The following JAKMIP3 variants were observed in gnomAD, a reference collection of about 807,000 sequenced individuals.
The protein encoded by JAKMIP3 is Janus kinase and microtubule interacting protein 3, also known as janus kinase and microtubule-interacting protein 3.
A neutral mutation model predicts 118.5 loss-of-function variants in JAKMIP3; 58 were observed. The ratio of observed to expected loss-of-function variants is 0.49; its 90% confidence interval spans 0.40 to 0.61. The LOEUF (loss-of-function observed/expected upper bound fraction) is 0.61, where lower values mean the gene tolerates loss of function less well. Ranked by LOEUF, JAKMIP3 falls within the 20% of genes least tolerant of loss-of-function variation. The pLI is 0.00. For missense variants in JAKMIP3, 950 were observed against 1,109.0 expected, an observed-to-expected ratio of 0.86 and a Z score of 2.04; for synonymous variants, 486 against 451.2, an observed-to-expected ratio of 1.08 and a Z score of -0.98.
intron 2 of JAKMIP3, among the ~76,000 whole-genome samples, chr10:132,111,237 G>A (rs1390113422): frequency 6.6e-6 from 1 of 152,230 alleles, no homozygotes; most frequent in Non-Finnish European, 1.5e-5. Context: ...CTGCAGACCT[G>A]TGGAGGGAGG....
chr10:132,158,996 T>TG lies in JAKMIP3; in HGVS notation c.2221-4204dup, dbSNP rs371036837. The stretch of plus-strand genomic sequence containing the variant: ...GGGGGGATCTCTCGCTGTGTGATGC[T>TG]GGGGGGGGGCCTCTCCCTGTGTGAT... On this transcript the variant is annotated intron_variant, in intron 19 of 23. Coordinates refer to ENST00000684848, the MANE Select transcript of JAKMIP3 (RefSeq NM_001323087.2). 1.4e-3 allele frequency among the ~76,000 whole-genome samples: 29 copies of TG among 20,672 alleles called. 7 individuals carry two copies. The highest frequency in any genetic ancestry group is 2.6e-3 in the African/African-American group (13 of 4,934). 13.6% of individuals were successfully genotyped at this position (20,672 alleles called of 152,430 possible). A position where few individuals can be genotyped will look rare whatever the true frequency, so the allele number is the denominator to read the frequency against.
chr10:132,114,957 A>G (rs1188868178), intron 2 of JAKMIP3, among the ~76,000 whole-genome samples: 4 of 152,220 alleles, frequency 2.6e-5, no homozygotes, highest in Admixed American at 6.5e-5. Context: ...GCGTTCCTCA[A>G]TGAATTCATT....
chr10:132,057,587 G>T (rs2038271743), intron 1 of JAKMIP3, among the ~76,000 whole-genome samples: 5 of 152,236 alleles, frequency 3.3e-5, no homozygotes, highest in Admixed American at 3.3e-4. Context: ...TGTGGCACAG[G>T]CCCCACGAGG....
chr10:132,129,662 A>C (rs2135599601), intron 3 of JAKMIP3, among the ~76,000 whole-genome samples: 1 of 152,268 alleles, frequency 6.6e-6, no homozygotes, highest in African/African-American at 2.4e-5. Context: ...ACTGATCTAC[A>C]GGCTCAGGGA....
chr10:132,053,238 T>A (rs191815378), intron 1 of JAKMIP3, among the ~76,000 whole-genome samples: 2 of 152,320 alleles, frequency 1.3e-5, no homozygotes, highest in East Asian at 3.9e-4. Flanking sequence ...ACCCTCAAAG[T>A]TGGGGTTTCT....
At chr10:132,097,677 G>T (rs1347249218) in intron 1 of JAKMIP3, among the ~76,000 whole-genome samples, 1 of 151,842 alleles carries the variant, frequency 6.6e-6, no homozygotes, top group Non-Finnish European at 1.5e-5. Flanking sequence ...GGGGAAATAG[G>T]GAAAGGGGAT....
chr10:132,168,040 G>T lies in JAKMIP3; in HGVS notation c.*110G>T, dbSNP rs908486600. 7.8e-7 allele frequency: 1 copy of T among 1,289,520 alleles called. No homozygotes were observed. The highest frequency in any genetic ancestry group is 1.5e-5 in the African/African-American group (1 of 65,880). The allele number at this position is 1,289,520 out of a possible 1,614,324, so 79.9% of individuals were successfully genotyped here. ...TCGCGTCTCCATCCTGAAGACCCAGGGAGATTTGGTCTCTGCACGCCCGTC... is the reference window on the plus strand; with the variant it reads ...TCGCGTCTCCATCCTGAAGACCCAGTGAGATTTGGTCTCTGCACGCCCGTC... On this transcript the variant is annotated 3_prime_UTR_variant, in exon 23 of 24. Coordinates refer to ENST00000684848, the MANE Select transcript of JAKMIP3 (RefSeq NM_001323087.2).
chr10:132,068,731 G>A (rs2039339549), intron 1 of JAKMIP3, among the ~76,000 whole-genome samples: 1 of 152,262 alleles, frequency 6.6e-6, no homozygotes, highest in South Asian at 2.1e-4. Context: ...TTCCTTTGGG[G>A]TCCCTCTGGA....
rs553445497 is a variant in JAKMIP3, at chr10:132,049,841, C to T, written c.-138+13103C>T. On this transcript the variant is annotated intron_variant, in intron 1 of 23. Transcript: ENST00000657785. The surrounding 1 kb of genome is among the most constrained non-coding windows in gnomAD (Gnocchi z 4.3). ...ATCAGTTCTTTTTCCTGATTTTCTT[C>T]CATAGTCTTCTGTGACGTTTTTGTT... is the stretch of plus-strand genomic sequence containing the variant. Among the ~76,000 whole-genome samples the T allele has an allele frequency of 6.6e-6, 1 of 152,262 alleles. No individual in the cohort carries two copies. The highest frequency in any genetic ancestry group is 2.1e-4 in the South Asian group (1 of 4,806).
rs777360645 is a variant in JAKMIP3 at position 132,153,798 on chromosome 10, C to T, written c.2113C>T (p.Arg705Trp). Residue 705 changes from arginine (R) to tryptophan (W), a missense_variant, in exon 18 of 24, where the codon CGG becomes TGG. Coordinates refer to ENST00000684848, the MANE Select transcript of JAKMIP3 (RefSeq NM_001323087.2). Reference protein sequence around the residue: ...QIEETEAALQRKMVDLESEKE... With the variant: ...QIEETEAALQWKMVDLESEKE... ...TGAGGAGACAGAGGCGGCGCTGCAG[C>T]GGAAGATGGTGGATCTGGAGAGCGA... The T allele has an allele frequency of 2.7e-5, 44 of 1,612,898 alleles. No homozygotes were observed. In the Admixed American group the frequency reaches 3.7e-4, roughly 13 times the overall value.
intron 23 of JAKMIP3, among the ~76,000 whole-genome samples, chr10:132,180,580 C>CGCGTGTGT (rs1554962863): frequency 7.7e-5 from 1 of 12,988 alleles, no homozygotes; most frequent in African/African-American, 5.4e-4. Context: ...TGTGTGTGTG[C>CGCGTGTGT]GTGCGCGTGT....
At position 132,180,668 on chromosome 10, in the gene JAKMIP3, TGTGTGTGCGCGCGC is replaced by T. The variant is rs1238161255; in HGVS notation, c.*1104-1681_*1104-1668del. Among the ~76,000 whole-genome samples, 69 of 28,046 alleles carry T rather than the reference TGTGTGTGCGCGCGC, an allele frequency of 2.5e-3. 25 individuals carry two copies. The South Asian group carries it at 0.041, about 17-fold the overall frequency. 18.4% of individuals were successfully genotyped at this position (28,046 alleles called of 152,430 possible). A position where few individuals can be genotyped will look rare whatever the true frequency, so the allele number is the denominator to read the frequency against. On this transcript the variant is annotated intron_variant, in intron 23 of 23. Coordinates refer to ENST00000684848, the MANE Select transcript of JAKMIP3 (RefSeq NM_001323087.2). ...GTGCGTGTGCGTGTGCGTGTGTGCG[TGTGTGTGCGCGCGC>T]GTGTGTGTGCGTGCGTGTGTGTGTG...
chr10:132,174,434 C>T lies in JAKMIP3; in HGVS notation c.*1103+5401C>T, dbSNP rs184537008. 3.2e-3 allele frequency among the ~76,000 whole-genome samples: 481 copies of T among 151,732 alleles called. 1 individual carries two copies. Among genetic ancestry groups the T allele is most frequent in the African/African-American group, 0.011 (465 of 41,356 alleles). On this transcript the variant is annotated intron_variant, in intron 23 of 23. Transcript: ENST00000684848. ...TGGCCTCCGTGGGCTCAGTGGGCTC[C>T]GTGGGCTCTGTGGGCTCCGTGGGTT...
chr10:132,060,546 C>T (rs560596632), upstream of JAKMIP3, among the ~76,000 whole-genome samples: 1 of 152,254 alleles, frequency 6.6e-6, no homozygotes, highest in Non-Finnish European at 1.5e-5. Flanking sequence ...CGTGTTCCTG[C>T]AAGGCAGGAA....
intron 2 of JAKMIP3, among the ~76,000 whole-genome samples, chr10:132,107,005 C>T (rs997394652): frequency 1.3e-5 from 2 of 152,066 alleles, no homozygotes; most frequent in African/African-American, 4.8e-5. Context: ...CACCTCAGCC[C>T]CTCAAATAAC....
chr10:132,037,089 G>A (rs2037532815), intron 1 of JAKMIP3, among the ~76,000 whole-genome samples: 1 of 152,256 alleles, frequency 6.6e-6, no homozygotes, highest in South Asian at 2.1e-4. Flanking sequence ...GGCGCCGTGC[G>A]ATTATTTTTA....
At chr10:132,051,157 C>T (rs947016836) in intron 1 of JAKMIP3, among the ~76,000 whole-genome samples, 5 of 147,074 alleles carry the variant, frequency 3.4e-5, no homozygotes, top group African/African-American at 1.3e-4. Context: ...CACGGTTGGT[C>T]TTGTTAATTC....
At chr10:132,147,856 C>A in intron 13 of JAKMIP3, 96 bp from the exon 14 acceptor site, 1 of 863,350 alleles carries the variant, frequency 1.2e-6, no homozygotes, top group African/African-American at 1.7e-5. Flanking sequence ...GCCTCCCCGG[C>A]AGCCAGCAGC....
Position 132,147,483 on chromosome 10 carries a change from C to T in JAKMIP3, c.1750-469C>T, listed in dbSNP as rs564219868. On this transcript the variant is annotated intron_variant, in intron 13 of 23. Transcript: ENST00000684848. ...CCGGTGGCCAGGCAGCCGTGGTACC[C>T]GCTCCTTCCATTGGGCACAGCCTGG... 7.2e-5 allele frequency among the ~76,000 whole-genome samples: 11 copies of T among 152,320 alleles called. No homozygotes were observed. The South Asian group carries it at 1.4e-3, about 20-fold the overall frequency.
Sources: gnomAD v4.1 joint callset for allele counts (sites outside exome capture counted in the v4.1 genomes callset) on GRCh38, gnomAD v4.1.1 for gene constraint, Gnocchi (gnomAD v3.1) non-coding constraint, MANE v1.5 for transcripts, NCBI Gene and HGNC (gene_info 2026-07-23, HGNC 2026-07-21) for gene names.